The following EOGT variants were observed in gnomAD, a reference collection of about 807,000 sequenced individuals.
EOGT encodes EGF domain-specific O-linked N-acetylglucosamine transferase.
EOGT carries 55 observed loss-of-function variants against 70.5 expected under a neutral mutation model. The observed-to-expected ratio is 0.78, with a 90% CI of 0.63 to 0.98. The LOEUF (loss-of-function observed/expected upper bound fraction) is 0.98. EOGT is among the 50% of genes least tolerant of loss of function. EOGT has a pLI of 0.00. For synonymous variants in EOGT, 246 were observed against 217.1 expected (o/e 1.13, Z -1.17); for missense variants, 703 against 641.9 (o/e 1.10, Z -1.03).
At chr3:68,981,189 C>T (rs957276459) in intron 15 of EOGT, among the ~76,000 whole-genome samples, 5 of 152,164 alleles carry the variant, frequency 3.3e-5, no homozygotes, top group Non-Finnish European at 4.4e-5. Flanking sequence ...AAGTACATTT[C>T]GATAAATAGT....
intron 14 of EOGT, among the ~76,000 whole-genome samples, chr3:68,986,409 C>A (rs1200626285): frequency 6.6e-6 from 1 of 152,126 alleles, no homozygotes; most frequent in African/African-American, 2.4e-5. Context: ...TTCCCCTACA[C>A]TGGAATAAAA....
chr3:69,005,014 A>G, intron 7 of EOGT, 126 bp downstream of exon 7: 2 of 605,942 alleles, frequency 3.3e-6, no homozygotes, highest in South Asian at 4.2e-5. Flanking sequence ...CTGAGCCATG[A>G]TTACACCGCT....
intron 17 of EOGT, 69 bp from the exon 18 acceptor site, chr3:68,977,833 T>C (rs2107114495): frequency 6.7e-7 from 1 of 1,486,904 alleles, no homozygotes; most frequent in Non-Finnish European, 9.0e-7. Context: ...AGCAGGAAAA[T>C]TATGTTACTT....
chr3:68,993,659 C>A (rs1221103106), intron 10 of EOGT, among the ~76,000 whole-genome samples: 1 of 152,168 alleles, frequency 6.6e-6, no homozygotes, highest in East Asian at 1.9e-4. Flanking sequence ...ACACCCCACT[C>A]TACTGGTACC....
At chr3:68,992,948 G>A (rs973852844) in intron 10 of EOGT, among the ~76,000 whole-genome samples, 14 of 152,280 alleles carry the variant, frequency 9.2e-5, no homozygotes, top group South Asian at 4.1e-4. Context: ...TGGCTGGAGC[G>A]GCTAGGACAC....
intron 1 of EOGT, among the ~76,000 whole-genome samples, 198 bp downstream of exon 1, chr3:69,013,376 G>T (rs2091626589): frequency 1.3e-5 from 2 of 151,982 alleles, no homozygotes; most frequent in South Asian, 2.1e-4. Flanking sequence ...CGGGGCCGGG[G>T]AGGGCCAGGA....
intron 15 of EOGT, among the ~76,000 whole-genome samples, chr3:68,980,240 T>TA (rs2090600541): frequency 6.6e-6 from 1 of 152,208 alleles, no homozygotes; most frequent in Non-Finnish European, 1.5e-5. Flanking sequence ...AGCACTAAAT[T>TA]AAAAACTATT....
At chr3:68,979,095 TA>T (rs2107128720) in intron 16 of EOGT, among the ~76,000 whole-genome samples, 1 of 152,236 alleles carries the variant, frequency 6.6e-6, no homozygotes, top group African/African-American at 2.4e-5. Flanking sequence ...GGGAAACAGG[TA>T]ACAGTAACTG....
intron 10 of EOGT, among the ~76,000 whole-genome samples, chr3:68,990,742 C>G (rs1186817046): frequency 6.6e-6 from 1 of 151,988 alleles, no homozygotes; most frequent in Non-Finnish European, 1.5e-5. Flanking sequence ...AAAATTCAGC[C>G]AATAGAAATC....
chr3:69,000,226 A>G (rs1385966472), intron 9 of EOGT, among the ~76,000 whole-genome samples: 1 of 152,222 alleles, frequency 6.6e-6, no homozygotes, highest in Non-Finnish European at 1.5e-5. Context: ...ACCTGTCTCT[A>G]AAGAAAGAAA....
chr3:69,003,954 C>A (rs898147516), intron 8 of EOGT, among the ~76,000 whole-genome samples: 2 of 152,102 alleles, frequency 1.3e-5, no homozygotes, highest in Non-Finnish European at 2.9e-5. Flanking sequence ...CCCAGGCTGG[C>A]CTTGAACTCC....
intron 1 of EOGT, among the ~76,000 whole-genome samples, chr3:69,013,142 C>G (rs2091617405): frequency 6.6e-6 from 1 of 152,088 alleles, no homozygotes; most frequent in African/African-American, 2.4e-5. Context: ...CCCGCCGCGG[C>G]TGAGACGCCG....
At chr3:68,993,775 C>G (rs2091064643) in intron 10 of EOGT, among the ~76,000 whole-genome samples, 1 of 152,056 alleles carries the variant, frequency 6.6e-6, no homozygotes, top group Non-Finnish European at 1.5e-5. Flanking sequence ...CTGGGGAGGC[C>G]TCAGAATCAT....
intron 9 of EOGT, among the ~76,000 whole-genome samples, chr3:69,000,007 A>G (rs1416729370): frequency 6.6e-6 from 1 of 152,168 alleles, no homozygotes; most frequent in African/African-American, 2.4e-5. Flanking sequence ...GGATCACTTG[A>G]GCCCAGGAGT....
chr3:68,986,799 G>A (rs924016228), intron 14 of EOGT, among the ~76,000 whole-genome samples: 15 of 152,148 alleles, frequency 9.9e-5, no homozygotes, highest in African/African-American at 3.6e-4. Context: ...GCTCCATGAG[G>A]TCAGGCACCT....
intron 14 of EOGT, among the ~76,000 whole-genome samples, chr3:68,986,862 T>G (rs183997524): frequency 6.6e-6 from 1 of 152,216 alleles, no homozygotes; most frequent in African/African-American, 2.4e-5. Context: ...GCCTGACACA[T>G]AGCAGGTGCT....
At chr3:69,004,043 A>G (rs2091372613) in intron 8 of EOGT, among the ~76,000 whole-genome samples, 1 of 152,200 alleles carries the variant, frequency 6.6e-6, no homozygotes, top group Admixed American at 6.5e-5. Flanking sequence ...TGGCCTTGGC[A>G]TGGACGTTTG....
chr3:68,995,051 TC>T (rs149924583), intron 10 of EOGT, among the ~76,000 whole-genome samples: 1,685 of 152,226 alleles, frequency 0.011, 33 homozygotes, highest in African/African-American at 0.039. Context: ...CCCATAGGCT[TC>T]CTTGTGATGA....
intron 9 of EOGT, among the ~76,000 whole-genome samples, chr3:68,999,601 T>A (rs936987566): frequency 6.6e-6 from 1 of 152,178 alleles, no homozygotes; most frequent in Non-Finnish European, 1.5e-5. Flanking sequence ...CAGCCTCGTA[T>A]CTTAGCTGAT....
Sources: allele counts gnomAD v4.1 joint callset (sites outside exome capture counted in the v4.1 genomes callset), GRCh38; gene constraint gnomAD v4.1.1; transcripts MANE v1.5; gene names NCBI Gene and HGNC (gene_info 2026-07-23, HGNC 2026-07-21).